Variants in UROC1 observed in about 807,000 individuals in gnomAD.
The protein encoded by UROC1 is urocanate hydratase.
In UROC1, 79 loss-of-function variants were observed where a neutral mutation model predicts 89.5. The observed-to-expected ratio is 0.88, with a 90% confidence interval of 0.74 to 1.06. The LOEUF (loss-of-function observed/expected upper bound fraction) is 1.06, where lower values mean the gene tolerates loss of function less well. Ranked by LOEUF, UROC1 falls within the 50% of genes least tolerant of loss-of-function variation. UROC1 has a pLI of 0.00. For missense variants in UROC1, 885 were observed against 907.8 expected, an observed-to-expected ratio of 0.97 and a Z score of 0.32; for synonymous variants, 361 against 354.8, an observed-to-expected ratio of 1.02 and a Z score of -0.20.
chr3:126,500,274 C>G, intron 11 of UROC1, 120 bp from the exon 12 acceptor site: 2 of 958,940 alleles, frequency 2.1e-6, no homozygotes, highest in Non-Finnish European at 3.2e-6. Context: ...CTGGACTGCT[C>G]CTGCTCCTCG....
At chr3:126,515,384 CCCGTCCAGGACCCACCA>C (rs1226287731) in intron 1 of UROC1, among the ~76,000 whole-genome samples, 1 of 150,518 alleles carries the variant, frequency 6.6e-6, no homozygotes, top group Non-Finnish European at 1.5e-5. Flanking sequence ...CCTACCCGCC[CCCGTCCAGGACCCACCA>C]CTTACCAGCC....
At chr3:126,500,194 C>G (rs531067290) in intron 11 of UROC1, 40 bp from the exon 12 acceptor site, 1 of 1,602,638 alleles carries the variant, frequency 6.2e-7, no homozygotes, top group Non-Finnish European at 8.5e-7. Context: ...CTGTGAGGCC[C>G]TGGGGCCTCC....
chr3:126,504,891 G>T (rs1334855989), intron 8 of UROC1, among the ~76,000 whole-genome samples: 5 of 152,176 alleles, frequency 3.3e-5, no homozygotes, highest in Admixed American at 3.3e-4. Flanking sequence ...GTTGAAATTT[G>T]ATCCCTGGTG....
In UROC1 at chr3:126,517,681, C is replaced by T; in HGVS notation, c.39G>A (p.Leu13=). Residue 13 remains leucine, a synonymous_variant, in exon 1 of 20, where the codon CTG becomes CTA. Coordinates refer to ENST00000290868, the MANE Select transcript of UROC1 (RefSeq NM_144639.3). The part of the protein sequence containing the change: ...SLQALCSGLP[L]RPLPENRGRQ... ...GTCCCCGGTTCTCTGGGAGGGGCCG[C>T]AGGGGCAGGCCAGAGCACAGCGCCT... 2 of 1,600,568 alleles carry T rather than the reference C, an allele frequency of 1.2e-6. No individual in the cohort carries two copies. The highest frequency in any genetic ancestry group is 1.7e-4 in the Middle Eastern group (1 of 5,782).
At chr3:126,483,286 T>A in intron 19 of UROC1, 83 bp downstream of exon 19, 1 of 1,283,054 alleles carries the variant, frequency 7.8e-7, no homozygotes, top group Non-Finnish European at 1.1e-6. Context: ...ACCCAGGAGA[T>A]GCTGTATGAC....
rs200317503 is a variant in UROC1, at chr3:126,488,296, G to A, written c.1709-17C>T. ...CAGCCATGTCTGCGGAAATAGAGAC[G>A]CCTCTGCTCATCACCCCCTGCACTG... On this transcript the variant is annotated splice_polypyrimidine_tract_variant and intron_variant, in intron 17 of 19. Coordinates refer to ENST00000290868, the MANE Select transcript of UROC1 (RefSeq NM_144639.3). 28 of 1,614,006 alleles carry A rather than the reference G, an allele frequency of 1.7e-5. No homozygotes were observed. The highest frequency in any genetic ancestry group is 8.9e-5 in the East Asian group (4 of 44,882).
chr3:126,509,104 C>T lies in UROC1; in HGVS notation c.351+481G>A, dbSNP rs146978292. 9.1e-3 allele frequency among the ~76,000 whole-genome samples: 1,380 copies of T among 151,776 alleles called. 13 individuals are homozygous for T. Among genetic ancestry groups the T allele is most frequent in the Non-Finnish European group, 0.012 (797 of 67,926 alleles). ...AATATTTTGGATCTGGGCATGGTGG[C>T]GGGTGCCTGTAGTCCCAGCTACCCG... is the stretch of plus-strand genomic sequence containing the variant. On this transcript the variant is annotated intron_variant, in intron 3 of 19. Transcript: ENST00000290868.
In UROC1 at chr3:126,499,401, C is replaced by T. The variant is rs1033551905; in HGVS notation, c.1252G>A (p.Val418Met). Residue 418 changes from valine (V) to methionine (M), a missense_variant, in exon 13 of 20, where the codon GTG becomes ATG. Val to Met is a conservative substitution (Grantham distance 21). Transcript: ENST00000290868. ...GTCCTGCCAGCACCTTTCTTCTCCACATCCGCTCCTGTGGGCAGAGCCCGG... is the reference window on the plus strand; with the variant it reads ...GTCCTGCCAGCACCTTTCTTCTCCATATCCGCTCCTGTGGGCAGAGCCCGG... ...LLEAQRAGAD[V>M]EKKGAGRTEF... The T allele has an allele frequency of 6.2e-7, 1 of 1,612,532 alleles. No homozygotes were observed. The highest frequency in any genetic ancestry group is 1.3e-5 in the African/African-American group (1 of 74,752).
intron 15 of UROC1, among the ~76,000 whole-genome samples, chr3:126,495,623 A>G (rs556407995): frequency 1.3e-5 from 2 of 152,232 alleles, no homozygotes; most frequent in African/African-American, 4.8e-5. Context: ...GCGTGCAAGT[A>G]TCTCTCTGAG....
chr3:126,500,113 T>A lies in UROC1; in HGVS notation c.1187A>T (p.Glu396Val). 6.2e-7 allele frequency: 1 copy of A among 1,613,904 alleles called. No individual in the cohort carries two copies. Among genetic ancestry groups the A allele is most frequent in the East Asian group, 2.2e-5 (1 of 44,850 alleles). Reference sequence around the variant, plus strand: ...GCCGTAGTCCCAGAAGAAGAACTTCTCCTCGGCCAACCTGTTGATGGCTGA... The same window carrying A: ...GCCGTAGTCCCAGAAGAAGAACTTCACCTCGGCCAACCTGTTGATGGCTGA... ...QVSAINRLAE[E>V]KFFFWDYGNA... Residue 396 changes from glutamate to valine, a missense_variant, in exon 12 of 20, where the codon GAG becomes GTG. Coordinates refer to ENST00000290868, the MANE Select transcript of UROC1 (RefSeq NM_144639.3).
At position 126,500,818 on chromosome 3, in the gene UROC1, G is replaced by A. The variant is rs2107543083; in HGVS notation, c.1022C>T (p.Ser341Leu). The A allele has an allele frequency of 6.2e-7, 1 of 1,613,980 alleles. No individual in the cohort carries two copies. The highest frequency in any genetic ancestry group is 1.1e-5 in the South Asian group (1 of 91,088). Reference sequence around the variant, plus strand: ...CGGGTTGTGGCAGGATGTCTGATCTGACCCCAGGTCCACCAAGCACTCCCC... The same window carrying A: ...CGGGTTGTGGCAGGATGTCTGATCTAACCCCAGGTCCACCAAGCACTCCCC... ...TTGECLVDLG[S>L]DQTSCHNPFN... The change falls in exon 11 of 20, where the codon TCA (serine) becomes TTA (leucine). Residue 341 changes from serine to leucine, a missense_variant. Physicochemically the swap from Ser to Leu is moderately radical, Grantham distance 145 (BLOSUM62 -2). Coordinates refer to ENST00000290868, the MANE Select transcript of UROC1 (RefSeq NM_144639.3).
intron 6 of UROC1, 87 bp from the exon 7 acceptor site, chr3:126,506,098 T>G (rs1011814729): frequency 1.4e-6 from 2 of 1,458,600 alleles, no homozygotes; most frequent in African/African-American, 2.8e-5. Context: ...AGGTTGAAAA[T>G]TAGTATTTAA....
intron 9 of UROC1, among the ~76,000 whole-genome samples, chr3:126,502,931 TTG>T (rs1308200866): frequency 5.4e-5 from 8 of 147,174 alleles, no homozygotes; most frequent in African/African-American, 2.0e-4. Flanking sequence ...CATGTGTGTG[TTG>T]TGTGTTTATG....
At chr3:126,514,762 A>G (rs925495142) in intron 1 of UROC1, among the ~76,000 whole-genome samples, 6 of 151,826 alleles carry the variant, frequency 4.0e-5, no homozygotes, top group African/African-American at 1.2e-4. Context: ...AAGTAGGAGG[A>G]AAGTCTATAT....
intron 6 of UROC1, among the ~76,000 whole-genome samples, chr3:126,507,214 T>C (rs938561773): frequency 2.6e-5 from 4 of 152,322 alleles, no homozygotes; most frequent in Middle Eastern, 3.4e-3. Flanking sequence ...GTTGCACAGA[T>C]GCACACTTTG....
At chr3:126,501,889 C>T in intron 9 of UROC1, 1 of 1,599,428 alleles carries the variant, frequency 6.3e-7, no homozygotes, top group Non-Finnish European at 8.5e-7. Flanking sequence ...GACACACAGT[C>T]CCAGGGCAGC....
In UROC1 at chr3:126,500,873, C is replaced by A. The variant is rs941614424; in HGVS notation, c.967G>T (p.Glu323Ter). ...GYHGNVVALWERLVHELDTTG... is the reference protein window; with the variant it reads ...GYHGNVVALW ...GTGTCCAATTCGTGGACCAGGCGCT[C>A]CCTGGGGAAGCCATGCGGTGGTCAG... The change falls in exon 11 of 20, where the codon GAG (glutamate) becomes TAG (stop). Residue 323 changes from glutamate (E) to a stop codon, truncating the protein, a stop_gained and splice_region_variant. Coordinates refer to ENST00000290868, the MANE Select transcript of UROC1 (RefSeq NM_144639.3). LOFTEE classifies it high-confidence loss of function. The A allele has an allele frequency of 6.2e-7, 1 of 1,613,490 alleles. No homozygotes were observed. Among genetic ancestry groups the A allele is most frequent in the Non-Finnish European group, 8.5e-7 (1 of 1,180,004 alleles).
intron 17 of UROC1, 41 bp from the exon 18 acceptor site, chr3:126,488,320 T>G: frequency 6.2e-7 from 1 of 1,604,258 alleles, no homozygotes; most frequent in Non-Finnish European, 8.5e-7. Flanking sequence ...CCCCCTGCAC[T>G]GGGTGGGCAC....
intron 8 of UROC1, among the ~76,000 whole-genome samples, chr3:126,504,811 C>T (rs900573303): frequency 6.6e-6 from 1 of 152,180 alleles, no homozygotes; most frequent in African/African-American, 2.4e-5. Context: ...CCCTTCCTCT[C>T]CTTAGCACCC....
Sources: allele counts gnomAD v4.1 joint callset (sites outside exome capture counted in the v4.1 genomes callset), GRCh38; gene constraint gnomAD v4.1.1; transcripts MANE v1.5; gene names NCBI Gene and HGNC (gene_info 2026-07-23, HGNC 2026-07-21).